NPSR1: variants seen among roughly 807,000 people sequenced by gnomAD.
NPSR1 encodes neuropeptide S receptor.
A neutral mutation model predicts 46.9 loss-of-function variants in NPSR1; 48 were observed. That is an observed-to-expected ratio of 1.02 (90% CI 0.81 to 1.30). The LOEUF is 1.30. Among genes scored for constraint, NPSR1 ranks in the 50% most tolerant of loss-of-function variants. The pLI, the probability that NPSR1 is intolerant of heterozygous loss-of-function variation, is 0.00. For missense variants in NPSR1, 450 were observed against 449.5 expected, an observed-to-expected ratio of 1.00 and a Z score of -0.01; for synonymous variants, 176 against 168.1, an observed-to-expected ratio of 1.05 and a Z score of -0.36.
At chr7:34,671,554 A>G (rs1043928118) in intron 1 of NPSR1, among the ~76,000 whole-genome samples, 1 of 152,208 alleles carries the variant, frequency 6.6e-6, no homozygotes, top group African/African-American at 2.4e-5. Context: ...GCAAGGGAAC[A>G]AGACAGCCAA....
chr7:34,733,047 A>T (rs1293009388), intron 2 of NPSR1, among the ~76,000 whole-genome samples: 2 of 152,386 alleles, frequency 1.3e-5, no homozygotes, highest in African/African-American at 4.8e-5. Flanking sequence ...CAATTCAAAA[A>T]TTGCTCATCA....
chr7:34,710,676 T>C (rs1048907587), intron 2 of NPSR1: 4 of 221,194 alleles, frequency 1.8e-5, no homozygotes, highest in South Asian at 6.1e-5. Context: ...GGTTCATAAA[T>C]ACAAGCACAA....
intron 8 of NPSR1, among the ~76,000 whole-genome samples, chr7:34,874,974 T>C (rs759105912): frequency 7.9e-5 from 12 of 152,218 alleles, no homozygotes; most frequent in Non-Finnish European, 1.0e-4. Context: ...TGGGAAGTAC[T>C]TCCTCTATCA....
chr7:34,756,442 G>T (rs948721708), intron 2 of NPSR1, among the ~76,000 whole-genome samples: 2 of 152,162 alleles, frequency 1.3e-5, no homozygotes, highest in Non-Finnish European at 2.9e-5. Flanking sequence ...GGGGTCTAAG[G>T]TCTAGGACAG....
At chr7:34,729,407 C>A (rs960007775) in intron 2 of NPSR1, among the ~76,000 whole-genome samples, 16 of 151,984 alleles carry the variant, frequency 1.1e-4, no homozygotes, top group Non-Finnish European at 1.9e-4. Context: ...TGAGAAAAAT[C>A]AAAAAGATCA....
intron 5 of NPSR1, among the ~76,000 whole-genome samples, chr7:34,833,909 C>G (rs1790239645): frequency 6.6e-6 from 1 of 152,230 alleles, no homozygotes; most frequent in African/African-American, 2.4e-5. Context: ...GTCCCATCCC[C>G]TTTGCCACAT....
chr7:34,712,223 G>T (rs946794279), intron 2 of NPSR1, among the ~76,000 whole-genome samples: 3 of 152,110 alleles, frequency 2.0e-5, no homozygotes, highest in African/African-American at 7.2e-5. Context: ...ATACAGCAAA[G>T]CTCTAACACA....
chr7:34,856,798 C>T (rs1364764013), intron 8 of NPSR1, among the ~76,000 whole-genome samples: 1 of 151,342 alleles, frequency 6.6e-6, no homozygotes, highest in Non-Finnish European at 1.5e-5. Flanking sequence ...TTTGGTAAGT[C>T]TAGAATTAGG....
intron 5 of NPSR1, 126 bp downstream of exon 5, chr7:34,827,728 G>A (rs2109124): frequency 0.5 from 337,138 of 673,738 alleles, 89,792 homozygotes; most frequent in East Asian, 0.72. Context: ...AACTGACCAG[G>A]CCACAAGATT....
At chr7:34,772,589 C>T (rs1364071267) in intron 2 of NPSR1, among the ~76,000 whole-genome samples, 1 of 152,096 alleles carries the variant, frequency 6.6e-6, no homozygotes, top group African/African-American at 2.4e-5. Flanking sequence ...CAATACTTGC[C>T]TTGTCTTTGT....
At chr7:34,780,362 T>C (rs986750702) in intron 3 of NPSR1, among the ~76,000 whole-genome samples, 2 of 152,194 alleles carry the variant, frequency 1.3e-5, no homozygotes, top group African/African-American at 2.4e-5. Flanking sequence ...TTTAGAAATA[T>C]TCATGTCAGT....
chr7:34,867,903 C>T lies in NPSR1; in HGVS notation c.1026-10173C>T, dbSNP rs186334228. Among the ~76,000 whole-genome samples, 896 of 151,806 alleles carry T rather than the reference C, an allele frequency of 5.9e-3. 37 individuals are homozygous for T. Among genetic ancestry groups the T allele is most frequent in the African/African-American group, 0.021 (849 of 41,146 alleles). On this transcript the variant is annotated intron_variant, in intron 8 of 8. Coordinates refer to the NPSR1 transcript ENST00000359791. ...AAATAAAGTAATAAGGTATGCCTGC[C>T]CTAAATGGAGAAAGTCCAGCCAGTA...
At chr7:34,693,333 T>TA (rs35568045) in intron 2 of NPSR1, among the ~76,000 whole-genome samples, 7 of 151,534 alleles carry the variant, frequency 4.6e-5, no homozygotes, top group East Asian at 3.9e-4. Context: ...ACTATAGAAA[T>TA]AAAAAAAAAT....
chr7:34,844,914 G>A lies in NPSR1; in HGVS notation c.776G>A (p.Ser259Asn). 6.2e-7 allele frequency: 1 copy of A among 1,609,832 alleles called. No homozygotes were observed. Residue 259 changes from serine (S) to asparagine (N), a missense_variant, in exon 7 of 9, where the codon AGC becomes AAC. Coordinates refer to ENST00000360581, the MANE Select transcript of NPSR1 (RefSeq NM_207172.2). ...TCTACAGATGGGAAACTGTGCAGCA[G>A]CTATAACCGAGGACTCATCTCAAAG... ...SNCSDGKLCS[S>N]YNRGLISKAK...
At chr7:34,694,792 C>T (rs901034092) in intron 2 of NPSR1, among the ~76,000 whole-genome samples, 7 of 152,214 alleles carry the variant, frequency 4.6e-5, no homozygotes, top group African/African-American at 7.2e-5. Flanking sequence ...TCACTGCAAC[C>T]TACACCTCCT....
chr7:34,695,294 A>G lies in NPSR1; in HGVS notation c.280+10610A>G, dbSNP rs368982553. Among the ~76,000 whole-genome samples, 8 of 152,264 alleles carry G rather than the reference A, an allele frequency of 5.3e-5. No individual in the cohort carries two copies. The East Asian group carries it at 1.2e-3, about 22-fold the overall frequency. On this transcript the variant is annotated intron_variant, in intron 2 of 8. Transcript: ENST00000360581. ...GAAGAATGAAACCCTACCTATGACA[A>G]TATACAAACATTAACTCAAGATAGA...
chr7:34,877,388 G>T (rs1339907033), intron 8 of NPSR1, among the ~76,000 whole-genome samples: 1 of 152,230 alleles, frequency 6.6e-6, no homozygotes, highest in African/African-American at 2.4e-5. Context: ...TGAGGAGAGG[G>T]CAGTGGAAGA....
intron 8 of NPSR1, among the ~76,000 whole-genome samples, chr7:34,862,675 A>G (rs1174328026): frequency 6.6e-6 from 1 of 151,726 alleles, no homozygotes; most frequent in Non-Finnish European, 1.5e-5. Context: ...AAATTTACTA[A>G]TTAAATTTCT....
At chr7:34,760,125 G>C (rs1383059121) in intron 2 of NPSR1, among the ~76,000 whole-genome samples, 1 of 152,178 alleles carries the variant, frequency 6.6e-6, no homozygotes, top group Admixed American at 6.5e-5. Context: ...AAAATAGCCA[G>C]TCTTCATTTT....
Sources: allele counts gnomAD v4.1 joint callset (sites outside exome capture counted in the v4.1 genomes callset), GRCh38; gene constraint gnomAD v4.1.1; transcripts MANE v1.5; gene names NCBI Gene and HGNC (gene_info 2026-07-23, HGNC 2026-07-21).